ZWILCH: variants seen among roughly 807,000 people sequenced by gnomAD.
ZWILCH encodes the protein protein zwilch homolog.
ZWILCH carries 74 observed loss-of-function variants against 79.9 expected under a neutral mutation model. The ratio of observed to expected loss-of-function variants is 0.93; its 90% CI spans 0.77 to 1.12. The LOEUF (loss-of-function observed/expected upper bound fraction) is 1.12. ZWILCH is among the 50% of genes most tolerant of loss of function. The probability of loss-of-function intolerance (pLI) is 0.00; values close to 1 mark genes in which losing one functional copy is unlikely to be tolerated. For missense variants in ZWILCH, 694 were observed against 687.5 expected (o/e 1.01, Z -0.11); for synonymous variants, 241 against 228.2 (o/e 1.06, Z -0.51).
intron 6 of ZWILCH, 135 bp downstream of exon 6, chr15:66,520,795 A>G (rs1439829370): frequency 2.8e-6 from 2 of 720,820 alleles, no homozygotes; most frequent in South Asian, 2.0e-5. Flanking sequence ...GTTTATTTTC[A>G]TATCAGCTAA....
At chr15:66,520,789 AT>A (rs1894465430) in intron 6 of ZWILCH, 129 bp downstream of exon 6, 1 of 732,846 alleles carries the variant, frequency 1.4e-6, no homozygotes, top group Non-Finnish European at 2.2e-6. Flanking sequence ...GTTTATGTTT[AT>A]TTTCATATCA....
chr15:66,531,559 C>T (rs1178728262), intron 12 of ZWILCH, among the ~76,000 whole-genome samples: 1 of 152,080 alleles, frequency 6.6e-6, no homozygotes, highest in East Asian at 1.9e-4. Context: ...CTCCCAGGCT[C>T]AAGCTGTTCT....
intron 17 of ZWILCH, among the ~76,000 whole-genome samples, chr15:66,542,778 A>C (rs982928725): frequency 1.3e-5 from 2 of 152,040 alleles, no homozygotes; most frequent in African/African-American, 4.8e-5. Context: ...AGATTGCTTG[A>C]GCTCAAGAGT....
chr15:66,517,265 CTCTT>C (rs1894299817), intron 4 of ZWILCH, among the ~76,000 whole-genome samples: 1 of 151,300 alleles, frequency 6.6e-6, no homozygotes, highest in Non-Finnish European at 1.5e-5. Flanking sequence ...CTTTTTCTCT[CTCTT>C]GTGTCTCTTT....
chr15:66,514,888 C>T (rs564471844), intron 3 of ZWILCH, among the ~76,000 whole-genome samples: 42 of 152,252 alleles, frequency 2.8e-4, no homozygotes, highest in African/African-American at 1.0e-3. Context: ...AATCCAAGAA[C>T]GTCTGGGTTT....
At chr15:66,518,323 C>G (rs1451159289) in intron 4 of ZWILCH, among the ~76,000 whole-genome samples, 1 of 149,042 alleles carries the variant, frequency 6.7e-6, no homozygotes, top group East Asian at 2.0e-4. Flanking sequence ...GAGTCTCACC[C>G]TGTTGCCCAA....
At chr15:66,520,265 C>T (rs1365667615) in intron 5 of ZWILCH, among the ~76,000 whole-genome samples, 1 of 151,768 alleles carries the variant, frequency 6.6e-6, no homozygotes, top group East Asian at 1.9e-4. Flanking sequence ...GGACTACAGG[C>T]ACATGCCACC....
intron 13 of ZWILCH, 133 bp from the exon 14 acceptor site, chr15:66,532,852 A>G: frequency 3.2e-6 from 2 of 626,238 alleles, no homozygotes; most frequent in South Asian, 7.9e-5. Context: ...AGGAACTATA[A>G]AAAATTTATA....
At position 66,540,133 on chromosome 15, in the gene ZWILCH, G is replaced by C; in HGVS notation, c.1610G>C (p.Ser537Thr). 1.2e-6 allele frequency: 2 copies of C among 1,613,224 alleles called. No individual in the cohort carries two copies. Among genetic ancestry groups the C allele is most frequent in the Non-Finnish European group, 1.7e-6 (2 of 1,179,654 alleles). Reference protein sequence around the residue: ...KPQKWRVEIYSGQKKIKTVWQ... With the variant: ...KPQKWRVEIYTGQKKIKTVWQ... ...CAGAAATGGAGAGTGGAAATATATAGTGGTCAAAAGAAGATTAAGACAGTT... is the reference window on the plus strand; with the variant it reads ...CAGAAATGGAGAGTGGAAATATATACTGGTCAAAAGAAGATTAAGACAGTT... Residue 537 changes from serine to threonine, a missense_variant, in exon 17 of 19, where the codon AGT becomes ACT. Transcript: ENST00000307897.
At chr15:66,538,652 A>G (rs1229256470) in intron 16 of ZWILCH, among the ~76,000 whole-genome samples, 2 of 152,154 alleles carry the variant, frequency 1.3e-5, no homozygotes, top group Middle Eastern at 3.2e-3. Flanking sequence ...AAGTACTGGG[A>G]TTACAGGTGT....
At chr15:66,510,085 G>A (rs112020147) in intron 2 of ZWILCH, among the ~76,000 whole-genome samples, 30,012 of 149,838 alleles carry the variant, frequency 0.2, 3,698 homozygotes, top group South Asian at 0.32. Flanking sequence ...GGCTGAGGCA[G>A]GAGAATCACT....
At chr15:66,515,206 C>T (rs909102291) in intron 3 of ZWILCH, among the ~76,000 whole-genome samples, 8 of 152,022 alleles carry the variant, frequency 5.3e-5, no homozygotes, top group South Asian at 2.1e-4. Context: ...TCCTCAGTCT[C>T]CCAGAATGCT....
chr15:66,533,351 T>G (rs12595176), intron 14 of ZWILCH, among the ~76,000 whole-genome samples: 1 of 152,244 alleles, frequency 6.6e-6, no homozygotes, highest in South Asian at 2.1e-4. Context: ...TTCTCTTTAT[T>G]CATTTATATT....
In ZWILCH at chr15:66,537,975, T is replaced by C. The variant is rs78318965; in HGVS notation, c.1574+712T>C. Among the ~76,000 whole-genome samples, 1,369 of 152,204 alleles carry C rather than the reference T, an allele frequency of 9.0e-3. 18 individuals are homozygous for C. Among genetic ancestry groups the C allele is most frequent in the African/African-American group, 0.031 (1,301 of 41,518 alleles). The stretch of plus-strand genomic sequence containing the variant: ...GAAAGTATAGCCAGAAAGGAAATGA[T>C]GGATTAGGAGAAAAATGACCAGGAT... On this transcript the variant is annotated intron_variant, in intron 16 of 18. Transcript: ENST00000307897.
intron 5 of ZWILCH, among the ~76,000 whole-genome samples, chr15:66,519,829 A>C (rs1002541135): frequency 6.6e-6 from 1 of 151,826 alleles, no homozygotes; most frequent in Non-Finnish European, 1.5e-5. Context: ...ACAGAGCCTC[A>C]CTCTGTAGCC....
chr15:66,540,049 A>G (rs760069907), intron 16 of ZWILCH, 49 bp from the exon 17 acceptor site: 1 of 1,373,714 alleles, frequency 7.3e-7, no homozygotes, highest in Non-Finnish European at 1.0e-6. Context: ...GAAGGAAGTA[A>G]ATGGCTGTTT....
intron 2 of ZWILCH, among the ~76,000 whole-genome samples, chr15:66,511,125 C>G (rs993788500): frequency 6.6e-6 from 1 of 152,078 alleles, no homozygotes; most frequent in Non-Finnish European, 1.5e-5. Flanking sequence ...GCTTTAATAT[C>G]CAAACTAAGA....
In ZWILCH at chr15:66,518,893, T is replaced by G. The variant is rs202072879; in HGVS notation, c.335T>G (p.Leu112Arg). The change falls in exon 5 of 19, where the codon CTT (leucine) becomes CGT (arginine). Residue 112 changes from leucine (L) to arginine (R), a missense_variant. By Grantham distance (102) the Leu-to-Arg change is moderately radical. Coordinates refer to ENST00000307897, the MANE Select transcript of ZWILCH (RefSeq NM_017975.5). ...TTGTTTTAAAGGCAGTTAATTGGAC[T>G]TTACACCATGGCTCACAATCCTAAT... The part of the protein sequence containing the change: ...PVGKARQLIG[L>R]YTMAHNPNMT... The G allele has an allele frequency of 1.1e-5, 17 of 1,614,178 alleles. No homozygotes were observed. The East Asian group carries it at 3.6e-4, about 34-fold the overall frequency.
chr15:66,522,898 C>T lies in ZWILCH; in HGVS notation c.748-779C>T, dbSNP rs749617064. On this transcript the variant is annotated intron_variant, in intron 7 of 18. Coordinates refer to ENST00000307897, the MANE Select transcript of ZWILCH (RefSeq NM_017975.5). ...AGTGCAGTGGCATAATCTCAGCTGA[C>T]GGCAACCTCTGCCTCCCAGGTTCAA... 4.6e-5 allele frequency among the ~76,000 whole-genome samples: 7 copies of T among 152,042 alleles called. 1 individual carries two copies. Among genetic ancestry groups the T allele is most frequent in the South Asian group, 4.2e-4 (2 of 4,810 alleles).
Sources: allele counts gnomAD v4.1 joint callset (sites outside exome capture counted in the v4.1 genomes callset), GRCh38; gene constraint gnomAD v4.1.1; transcripts MANE v1.5; gene names NCBI Gene and HGNC (gene_info 2026-07-23, HGNC 2026-07-21).